The following CRB1 variants were observed in gnomAD, a reference collection of about 807,000 sequenced individuals.
CRB1 encodes protein crumbs homolog 1.
A neutral mutation model predicts 120.0 loss-of-function variants in CRB1; 83 were observed. That is an observed-to-expected ratio of 0.69 (90% CI 0.58 to 0.83). The LOEUF (loss-of-function observed/expected upper bound fraction) is 0.83. CRB1 is among the 40% of genes least tolerant of loss of function. The pLI is 0.00. For synonymous variants in CRB1, 625 were observed against 612.5 expected (o/e 1.02, Z -0.30); for missense variants, 1,699 against 1,687.6 (o/e 1.01, Z -0.12).
the CRB1 span, among the ~76,000 whole-genome samples, chr1:197,260,190 G>A: frequency 1.3e-5 from 1 of 76,566 alleles, no homozygotes; most frequent in Non-Finnish European, 2.4e-5. Flanking sequence ...AGAGGAAGAA[G>A]AGGAAGAGGA....
chr1:197,224,184 G>A, the CRB1 span, among the ~76,000 whole-genome samples: 1,076 of 152,110 alleles, frequency 7.1e-3, 16 homozygotes, highest in African/African-American at 0.022. Context: ...TTAATGTCCT[G>A]TTTACATAAT....
chr1:197,455,434 A>G (rs916500766), intron 11 of CRB1, among the ~76,000 whole-genome samples: 1 of 152,186 alleles, frequency 6.6e-6, no homozygotes, highest in Non-Finnish European at 1.5e-5. Flanking sequence ...AACTGCCAGT[A>G]TGCACCCAGA....
the CRB1 span, among the ~76,000 whole-genome samples, chr1:197,232,848 T>TA: frequency 6.6e-6 from 1 of 152,116 alleles, no homozygotes; most frequent in Non-Finnish European, 1.5e-5. Flanking sequence ...TCTGAGTTGA[T>TA]ATTGTTACTC....
At chr1:197,270,787 G>T (rs1388140372) in intron 1 of CRB1, among the ~76,000 whole-genome samples, 1 of 152,164 alleles carries the variant, frequency 6.6e-6, no homozygotes, top group Non-Finnish European at 1.5e-5. Context: ...TCTGGCTCTG[G>T]AGTGTGGGCT....
At chr1:197,415,283 C>T (rs1208335869) in intron 5 of CRB1, among the ~76,000 whole-genome samples, 5 of 152,204 alleles carry the variant, frequency 3.3e-5, no homozygotes, top group Non-Finnish European at 5.9e-5. Context: ...CCTAGTTGGT[C>T]TTCCTGTCTC....
chr1:197,457,586 A>C (rs1000254478), intron 11 of CRB1, among the ~76,000 whole-genome samples: 3 of 152,186 alleles, frequency 2.0e-5, no homozygotes, highest in Non-Finnish European at 4.4e-5. Flanking sequence ...TTCCTGGCAG[A>C]GTAGTGCTTC....
intron 1 of CRB1, among the ~76,000 whole-genome samples, chr1:197,272,889 A>C (rs1052459419): frequency 6.6e-6 from 1 of 152,218 alleles, no homozygotes; most frequent in Admixed American, 6.5e-5. Context: ...ATCTAATTGC[A>C]TGCAAATTTA....
At chr1:197,342,899 C>T (rs1659552361) in intron 2 of CRB1, among the ~76,000 whole-genome samples, 1 of 152,178 alleles carries the variant, frequency 6.6e-6, no homozygotes, top group Non-Finnish European at 1.5e-5. Context: ...TTCCACTCTT[C>T]CATGACCTTA....
Position 197,442,225 on chromosome 1 carries a change from A to T in CRB1, c.3938A>T (p.Gln1313Leu). 3 of 1,614,200 alleles carry T rather than the reference A, an allele frequency of 1.9e-6. No individual in the cohort carries two copies. Among genetic ancestry groups the T allele is most frequent in the Non-Finnish European group, 2.5e-6 (3 of 1,180,028 alleles). ...CCGTGTGTCAATGGAGGTCTGTGCC[A>T]GGACTTACTCAACAAATTCCAGTGC... ...SDPCVNGGLC[Q>L]DLLNKFQCLC... is the part of the protein sequence containing the mutation. The change falls in exon 11 of 12, where the codon CAG (glutamine) becomes CTG (leucine). Residue 1313 changes from glutamine to leucine, a missense_variant. Transcript: ENST00000367400.
intron 5 of CRB1, among the ~76,000 whole-genome samples, chr1:197,400,317 T>C (rs2125431149): frequency 6.6e-6 from 1 of 151,800 alleles, no homozygotes; most frequent in Non-Finnish European, 1.5e-5. Context: ...TTTTTTTTTT[T>C]TTTTTTTTAA....
intron 2 of CRB1, among the ~76,000 whole-genome samples, chr1:197,339,058 A>T (rs2125320337): frequency 1.3e-5 from 2 of 152,354 alleles, no homozygotes; most frequent in South Asian, 4.2e-4. Flanking sequence ...TGAATGATTC[A>T]AAAAGAGAAT....
chr1:197,232,399 G>A, the CRB1 span, among the ~76,000 whole-genome samples: 1 of 152,144 alleles, frequency 6.6e-6, no homozygotes, highest in African/African-American at 2.4e-5. Flanking sequence ...AAATGGTAAT[G>A]CTTAACAGTA....
intron 2 of CRB1, among the ~76,000 whole-genome samples, chr1:197,330,644 A>G (rs548637637): frequency 6.6e-6 from 1 of 152,322 alleles, no homozygotes; most frequent in Non-Finnish European, 1.5e-5. Context: ...ATCACCCAAC[A>G]CAAGAAGTGT....
chr1:197,329,068 G>A, intron 2 of CRB1, 65 bp downstream of exon 2: 1 of 1,377,566 alleles, frequency 7.3e-7, no homozygotes, highest in Non-Finnish European at 1.0e-6. Flanking sequence ...CAGAAGCAGA[G>A]GTGACATTTT....
At chr1:197,353,565 C>T (rs2821123) in intron 4 of CRB1, among the ~76,000 whole-genome samples, 1 of 152,020 alleles carries the variant, frequency 6.6e-6, no homozygotes, top group African/African-American at 2.4e-5. Context: ...CTTTGGGAGG[C>T]CGAGGCGCGT....
chr1:197,312,910 TA>T (rs1366166367), intron 1 of CRB1, among the ~76,000 whole-genome samples: 3 of 152,188 alleles, frequency 2.0e-5, no homozygotes, highest in Non-Finnish European at 4.4e-5. Context: ...TTTATCCAGT[TA>T]AGTTTTTTTA....
Position 197,464,194 on chromosome 1 carries a change from A to G in CRB1, c.4006-13470A>G, listed in dbSNP as rs139040249. 8.0e-3 allele frequency among the ~76,000 whole-genome samples: 1,220 copies of G among 152,186 alleles called. 16 individuals carry two copies. The highest frequency in any genetic ancestry group is 0.027 in the African/African-American group (1,134 of 41,506). On this transcript the variant is annotated intron_variant, in intron 11 of 11. Transcript: ENST00000367400. Reference sequence around the variant, plus strand: ...AGCAGATGGCTTCCTTTTACACCCAACGCCGTCAGTGGAATGTAAATGCGT... The same window carrying G: ...AGCAGATGGCTTCCTTTTACACCCAGCGCCGTCAGTGGAATGTAAATGCGT...
At chr1:197,419,604 C>G (rs1162987733) in intron 5 of CRB1, among the ~76,000 whole-genome samples, 1 of 151,964 alleles carries the variant, frequency 6.6e-6, no homozygotes, top group Non-Finnish European at 1.5e-5. Context: ...CTTAAGCAAT[C>G]CACCCAGCTA....
chr1:197,415,384 G>A (rs555450631), intron 5 of CRB1, among the ~76,000 whole-genome samples: 374 of 152,178 alleles, frequency 2.5e-3, no homozygotes, highest in Non-Finnish European at 4.3e-3. Context: ...AATTACGTAT[G>A]ACTCCCCACT....
Sources: allele counts gnomAD v4.1 joint callset (sites outside exome capture counted in the v4.1 genomes callset), GRCh38; gene constraint gnomAD v4.1.1; transcripts MANE v1.5; gene names NCBI Gene and HGNC (gene_info 2026-07-23, HGNC 2026-07-21).